Variants in TMPO observed in about 807,000 individuals in gnomAD.
TMPO encodes the protein LEM domain containing 4.
Under a neutral mutation model 45.4 loss-of-function variants are expected in TMPO, and 22 were observed. The observed-to-expected ratio is 0.48, with a 90% CI of 0.35 to 0.69. The LOEUF (loss-of-function observed/expected upper bound fraction) is 0.69. Ranked by LOEUF, TMPO falls within the 30% of genes least tolerant of loss-of-function variation. TMPO has a pLI of 0.01. For missense variants in TMPO, 512 were observed against 548.8 expected (o/e 0.93, Z 0.67); for synonymous variants, 241 against 204.1 (o/e 1.18, Z -1.54).
intron 1 of TMPO, among the ~76,000 whole-genome samples, chr12:98,519,911 A>G (rs1876201591): frequency 6.6e-6 from 1 of 151,994 alleles, no homozygotes; most frequent in African/African-American, 2.4e-5. Flanking sequence ...TTTTAGCCCC[A>G]TATAAAAATA....
In TMPO at chr12:98,526,882, C is replaced by T. The variant is rs190950899; in HGVS notation, c.280-1004C>T. ...CTGAGGCAGGAGAATCGCTTGAACCCGGGAGTCGGAGGTTGCAGTGAGCCA... is the reference window on the plus strand; with the variant it reads ...CTGAGGCAGGAGAATCGCTTGAACCTGGGAGTCGGAGGTTGCAGTGAGCCA... On this transcript the variant is annotated intron_variant, in intron 1 of 8. Coordinates refer to ENST00000556029, the MANE Select transcript of TMPO (RefSeq NM_001032283.3). Among the ~76,000 whole-genome samples the T allele has an allele frequency of 1.8e-3, 273 of 151,938 alleles. 2 individuals are homozygous for T. The Middle Eastern group carries it at 0.02, about 11-fold the overall frequency.
intron 2 of TMPO, among the ~76,000 whole-genome samples, chr12:98,531,079 C>T (rs559243740): frequency 1.8e-4 from 28 of 152,138 alleles, no homozygotes; most frequent in Admixed American, 9.2e-4. Flanking sequence ...GCTGGGATTA[C>T]AGGCGCCCAC....
chr12:98,528,820 G>A (rs1876974699), intron 2 of TMPO, among the ~76,000 whole-genome samples: 1 of 152,054 alleles, frequency 6.6e-6, no homozygotes. Flanking sequence ...TTAGCAGGGT[G>A]TGGTGTCACA....
intron 4 of TMPO, among the ~76,000 whole-genome samples, chr12:98,542,154 G>T (rs1051033385): frequency 1.3e-5 from 2 of 152,142 alleles, no homozygotes; most frequent in African/African-American, 4.8e-5. Flanking sequence ...TTGGGGAAGC[G>T]TACCAGTAAA....
chr12:98,538,801 TTGAA>T (rs1192822384), intron 4 of TMPO, among the ~76,000 whole-genome samples: 2 of 152,206 alleles, frequency 1.3e-5, no homozygotes, highest in African/African-American at 4.8e-5. Context: ...ATACAGAGCA[TTGAA>T]TGAATGAAGA....
At chr12:98,517,760 CTTCT>C (rs1189743398) in intron 1 of TMPO, among the ~76,000 whole-genome samples, 3 of 152,378 alleles carry the variant, frequency 2.0e-5, no homozygotes, top group South Asian at 2.1e-4. Context: ...TTGCGGAAAG[CTTCT>C]TTAATTTCTT....
In TMPO at chr12:98,547,591, A is replaced by G. The variant is rs975603708; in HGVS notation, c.1098A>G (p.Pro366=). The G allele has an allele frequency of 6.2e-7, 1 of 1,614,128 alleles. No homozygotes were observed. Among genetic ancestry groups the G allele is most frequent in the Non-Finnish European group, 8.5e-7 (1 of 1,180,010 alleles). ...PTGISASCRR[P]IKGAAGRPLE... ...CCAACAGTGCTAGTTGCCGCAGACC[A>G]ATCAAAGGGGCTGCAGGCCGGCCAT... Residue 366 remains proline, a synonymous_variant, in exon 9 of 9, where the codon CCA becomes CCG. Coordinates refer to ENST00000556029, the MANE Select transcript of TMPO (RefSeq NM_001032283.3).
In TMPO at chr12:98,516,050, G is replaced by A. The variant is rs780119963; in HGVS notation, c.183G>A (p.Gly61=). The part of the protein sequence containing the change: ...PPLPAGTNSK[G]PPDFSSDEER... Reference sequence around the variant, plus strand: ...TCCCCGCCGGCACCAACAGCAAGGGGCCCCCGGACTTCTCCAGTGACGAAG... The same window carrying A: ...TCCCCGCCGGCACCAACAGCAAGGGACCCCCGGACTTCTCCAGTGACGAAG... Residue 61 remains glycine (G), a synonymous_variant, in exon 1 of 9, where the codon GGG becomes GGA. Transcript: ENST00000556029. 2 of 1,610,812 alleles carry A rather than the reference G, an allele frequency of 1.2e-6. No homozygotes were observed. Among genetic ancestry groups the A allele is most frequent in the African/African-American group, 1.3e-5 (1 of 74,916 alleles).
chr12:98,532,801 C>G, intron 3 of TMPO: 1 of 1,614,090 alleles, frequency 6.2e-7, no homozygotes, highest in Non-Finnish European at 8.5e-7. Context: ...GCTTAAACTT[C>G]CTGCCTCTTT....
At chr12:98,529,541 C>T (rs1391620205) in intron 2 of TMPO, among the ~76,000 whole-genome samples, 1 of 152,084 alleles carries the variant, frequency 6.6e-6, no homozygotes, top group Non-Finnish European at 1.5e-5. Flanking sequence ...TTAGCAATAA[C>T]CTCAAGATGA....
intron 3 of TMPO, among the ~76,000 whole-genome samples, chr12:98,536,132 T>C (rs1877552139): frequency 6.6e-6 from 1 of 152,186 alleles, no homozygotes; most frequent in Non-Finnish European, 1.5e-5. Flanking sequence ...AAGTATTAAA[T>C]AGATTCTGTA....
In TMPO at chr12:98,531,689, G is replaced by A. The variant is rs1877201541; in HGVS notation, c.416G>A (p.Arg139Lys). The A allele has an allele frequency of 6.2e-7, 1 of 1,612,412 alleles. No homozygotes were observed. Among genetic ancestry groups the A allele is most frequent in the Non-Finnish European group, 8.5e-7 (1 of 1,179,950 alleles). The change falls in exon 3 of 9, where the codon AGG becomes AAG. Residue 139 changes from arginine to lysine, a missense_variant. Coordinates refer to ENST00000556029, the MANE Select transcript of TMPO (RefSeq NM_001032283.3). The stretch of plus-strand genomic sequence containing the variant: ...TTCTGCCTTAATCCAGGAACAACCA[G>A]GAAGCTATATGAGAAAAAGCTTTTG... ...VNPGPIVGTT[R>K]KLYEKKLLKL...
At chr12:98,518,076 C>T (rs551349406) in intron 1 of TMPO, among the ~76,000 whole-genome samples, 185 of 145,164 alleles carry the variant, frequency 1.3e-3, no homozygotes, top group African/African-American at 4.7e-3. Flanking sequence ...ACCCGGGAGG[C>T]GGAGGTTGCA....
chr12:98,535,393 G>T lies in TMPO; in HGVS notation c.566-2082G>T, dbSNP rs1024426319. 5.7e-5 allele frequency: 56 copies of T among 985,224 alleles called. No homozygotes were observed. In the African/African-American group the frequency reaches 9.6e-4, roughly 17 times the overall value. The allele number at this position is 985,224 out of a possible 1,614,324, so 61.0% of individuals were successfully genotyped here. On this transcript the variant is annotated intron_variant, in intron 3 of 8. Coordinates refer to ENST00000556029, the MANE Select transcript of TMPO (RefSeq NM_001032283.3). ...TAAGTTAAGAGTCTTAACTGCAGAG[G>T]TATTGTGGAAAGTAGTAGCCTTAAG...
At chr12:98,534,698 C>G (rs75460359) in intron 3 of TMPO, 2 of 1,081,680 alleles carry the variant, frequency 1.8e-6, no homozygotes, top group Non-Finnish European at 2.2e-6. Context: ...TATGCATCCT[C>G]CTTTATACCT....
chr12:98,539,501 C>G (rs188529161), intron 4 of TMPO, among the ~76,000 whole-genome samples: 1 of 127,316 alleles, frequency 7.9e-6, no homozygotes, highest in Non-Finnish European at 1.6e-5. Context: ...GAGACAGAAT[C>G]TCACTCTGTC....
chr12:98,533,328 G>C (rs1307386603), intron 3 of TMPO: 2 of 1,614,028 alleles, frequency 1.2e-6, no homozygotes, highest in Non-Finnish European at 1.7e-6. Context: ...CCAGTAAAAG[G>C]AAAGCACTAG....
chr12:98,521,874 C>T lies in TMPO; in HGVS notation c.279+5728C>T, dbSNP rs190896248. Among the ~76,000 whole-genome samples the T allele has an allele frequency of 3.2e-3, 492 of 152,220 alleles. 3 individuals are homozygous for T. Among genetic ancestry groups the T allele is most frequent in the African/African-American group, 0.011 (437 of 41,558 alleles). On this transcript the variant is annotated intron_variant, in intron 1 of 8. Transcript: ENST00000556029. ...CCTCCTGAGGAGCTGGGATTACAAG[C>T]GTGCACCACCATGCCCAGCTAATTT...
chr12:98,544,787 G>A, intron 6 of TMPO, 164 bp from the exon 7 acceptor site: 1 of 669,806 alleles, frequency 1.5e-6, no homozygotes, highest in African/African-American at 1.8e-5. Context: ...TGAAGAATGA[G>A]GCTTCATATG....
Sources: allele counts gnomAD v4.1 joint callset (sites outside exome capture counted in the v4.1 genomes callset), GRCh38; gene constraint gnomAD v4.1.1; transcripts MANE v1.5; gene names NCBI Gene and HGNC (gene_info 2026-07-23, HGNC 2026-07-21).